Variants in WRAP73 observed in about 807,000 individuals in gnomAD.
The protein encoded by WRAP73 is WD repeat containing, antisense to TP73.
WRAP73 carries 55 observed loss-of-function variants against 59.6 expected under a neutral mutation model. The observed-to-expected ratio is 0.92, with a 90% CI of 0.74 to 1.15. The LOEUF (loss-of-function observed/expected upper bound fraction) is 1.15. WRAP73 is among the 50% of genes most tolerant of loss of function. The pLI is 0.00. For synonymous variants in WRAP73, 265 were observed against 258.2 expected, an observed-to-expected ratio of 1.03 and a Z score of -0.25; for missense variants, 592 against 608.1, an observed-to-expected ratio of 0.97 and a Z score of 0.28.
intron 1 of WRAP73, among the ~76,000 whole-genome samples, chr1:3,649,335 T>C (rs1046321619): frequency 9.2e-5 from 14 of 152,236 alleles, no homozygotes; most frequent in African/African-American, 3.4e-4. Context: ...ATTTAAATCA[T>C]TTATTCGGCA....
Position 3,646,698 on chromosome 1 carries a change from C to T in WRAP73, c.307G>A (p.Gly103Arg), listed in dbSNP as rs867157175. 20 of 1,605,674 alleles carry T rather than the reference C, an allele frequency of 1.2e-5. No homozygotes were observed. The Middle Eastern group carries it at 2.0e-3, about 159-fold the overall frequency. Residue 103 changes from glycine (G) to arginine (R), a missense_variant, in exon 3 of 12, where the codon GGG (glycine) becomes AGG (arginine). Coordinates refer to ENST00000270708, the MANE Select transcript of WRAP73 (RefSeq NM_017818.4). This position sits in a 1 kb window ranked among gnomAD's most constrained non-coding sequence, Gnocchi z 5.1. ...GLVASCWSPD[G>R]RHILNTTEFH... ...TCCGTGGTGTTGAGAATGTGGCGCC[C>T]GTCCGGGCTCCAGCACGAGGCCACC...
rs746752608 is a variant in WRAP73 at position 3,647,420 on chromosome 1, T to G, written c.210A>C (p.Arg70=). 2.4e-5 allele frequency: 38 copies of G among 1,613,422 alleles called. No individual in the cohort carries two copies. In the South Asian group the frequency reaches 3.8e-4, roughly 16 times the overall value. The stretch of plus-strand genomic sequence containing the variant: ...CGGCAGCACACACCTGCACCAGCCC[T>G]CGCTTGTACATGGCGCACAGGATGA... ...SLFILCAMYK[R]GLVQVWSLEQ... Residue 70 remains arginine (R), a synonymous_variant, in exon 2 of 12, where the codon CGA becomes CGC. Transcript: ENST00000270708.
chr1:3,636,327 C>T (rs549179749), intron 5 of WRAP73: 17 of 387,820 alleles, frequency 4.4e-5, no homozygotes, highest in Middle Eastern at 7.9e-4. Context: ...CCCCCGAGGG[C>T]GGCTTGGTCT....
chr1:3,643,093 C>T (rs895320334), intron 3 of WRAP73, among the ~76,000 whole-genome samples: 7 of 152,210 alleles, frequency 4.6e-5, no homozygotes, highest in African/African-American at 1.2e-4. Context: ...TCCGTGGTGA[C>T]GCACACGTCC....
At chr1:3,647,032 G>A (rs192831212) in intron 2 of WRAP73, among the ~76,000 whole-genome samples, 23 of 152,292 alleles carry the variant, frequency 1.5e-4, no homozygotes, top group Admixed American at 9.2e-4. Context: ...AGTAAGCCAC[G>A]CTTCTTGGTG....
intron 3 of WRAP73, among the ~76,000 whole-genome samples, chr1:3,643,021 C>T (rs1184933913): frequency 6.6e-6 from 1 of 152,228 alleles, no homozygotes; most frequent in Admixed American, 6.5e-5. Context: ...GCAAGGCTCT[C>T]CTAGAGAGGC....
intron 3 of WRAP73, among the ~76,000 whole-genome samples, chr1:3,644,489 C>T (rs1297944782): frequency 1.3e-5 from 2 of 152,242 alleles, no homozygotes; most frequent in Non-Finnish European, 2.9e-5. Flanking sequence ...GGACGGTGCC[C>T]GCAGCTCACT....
chr1:3,631,930 C>T (rs1302936381), intron 10 of WRAP73: 3 of 1,369,178 alleles, frequency 2.2e-6, no homozygotes, highest in Non-Finnish European at 2.8e-6. Context: ...AAACCCTTAA[C>T]AAAAGGCGGG....
In WRAP73 at chr1:3,632,052, G is replaced by A. The variant is rs145423180; in HGVS notation, c.1048+161C>T. On this transcript the variant is annotated intron_variant, in intron 10 of 11. Coordinates refer to ENST00000270708, the MANE Select transcript of WRAP73 (RefSeq NM_017818.4). ...GGCTGCTGCAGGACAAAGGCCCAGC[G>A]CCTCCAAGGAGCTTCTGTGAGCACC... 1.0e-3 allele frequency: 1,496 copies of A among 1,492,630 alleles called. 2 individuals are homozygous for A. Among genetic ancestry groups the A allele is most frequent in the Non-Finnish European group, 1.2e-3 (1,363 of 1,130,866 alleles). 92.5% of individuals were successfully genotyped at this position (1,492,630 alleles called of 1,614,324 possible).
chr1:3,647,673 T>C, intron 1 of WRAP73, 113 bp from the exon 2 acceptor site: 4 of 1,210,732 alleles, frequency 3.3e-6, no homozygotes, highest in Non-Finnish European at 4.6e-6. Flanking sequence ...CTGCCAGAGG[T>C]TTCATGTCTA....
intron 10 of WRAP73, chr1:3,631,889 T>TG (rs969985445): frequency 3.0e-6 from 4 of 1,329,380 alleles, no homozygotes; most frequent in Middle Eastern, 2.8e-4. Flanking sequence ...TTTGGTATTT[T>TG]TTTTTTTTTT....
chr1:3,650,005 C>A lies in WRAP73; in HGVS notation c.-6G>T. 6.3e-7 allele frequency: 1 copy of A among 1,585,436 alleles called. No individual in the cohort carries two copies. Among genetic ancestry groups the A allele is most frequent in the Non-Finnish European group, 8.6e-7 (1 of 1,168,406 alleles). ...AATACCTCGGAGAAGTTCATGGCCG[C>A]CGCCTGCCGCGGGCGCCACCCTGCG... is the stretch of plus-strand genomic sequence containing the variant. On this transcript the variant is annotated 5_prime_UTR_variant, in exon 1 of 12. Coordinates refer to ENST00000270708, the MANE Select transcript of WRAP73 (RefSeq NM_017818.4).
chr1:3,645,458 C>G lies in WRAP73; in HGVS notation c.339+1208G>C, dbSNP rs12043956. 1.6e-3 allele frequency among the ~76,000 whole-genome samples: 102 copies of G among 64,804 alleles called. 2 individuals are homozygous for G. The highest frequency in any genetic ancestry group is 0.014 in the South Asian group (24 of 1,704). 42.5% of individuals were successfully genotyped at this position (64,804 alleles called of 152,430 possible). A position where few individuals can be genotyped will look rare whatever the true frequency, so the allele number is the denominator to read the frequency against. Reference sequence around the variant, plus strand: ...GGGCGGGTTGCCCCGTGGTGTGCGCCGTGCAGCGGGACGGGCGGGTTGCCC... The same window carrying G: ...GGGCGGGTTGCCCCGTGGTGTGCGCGGTGCAGCGGGACGGGCGGGTTGCCC... On this transcript the variant is annotated intron_variant, in intron 3 of 11. Coordinates refer to ENST00000270708, the MANE Select transcript of WRAP73 (RefSeq NM_017818.4).
chr1:3,635,418 G>T, intron 6 of WRAP73, 124 bp from the exon 7 acceptor site: 1 of 1,366,202 alleles, frequency 7.3e-7, no homozygotes, highest in Non-Finnish European at 1.0e-6. Flanking sequence ...TGTCCGCGTG[G>T]CCGTGGAAAA....
chr1:3,640,736 G>C (rs542453853), intron 3 of WRAP73, among the ~76,000 whole-genome samples: 1 of 151,734 alleles, frequency 6.6e-6, no homozygotes, highest in South Asian at 2.1e-4. Flanking sequence ...AGCAGGGCGG[G>C]GTGGAGCACC....
chr1:3,631,348 G>C, intron 11 of WRAP73, 118 bp downstream of exon 11: 2 of 1,385,702 alleles, frequency 1.4e-6, no homozygotes, highest in South Asian at 1.4e-5. Context: ...AAGACTCTGA[G>C]GGCAGTTTCC....
rs754931084 is a variant in WRAP73, at chr1:3,649,950, G to C, written c.50C>G (p.Ser17Cys). 31 of 1,603,794 alleles carry C rather than the reference G, an allele frequency of 1.9e-5. No individual in the cohort carries two copies. The highest frequency in any genetic ancestry group is 2.6e-5 in the Non-Finnish European group (31 of 1,176,376). ...GCTCACCAGGTACTTGCCGTCCGGG[G>C]AGAACTTGCAGAGTAAGCTGGAGAG... The part of the protein sequence containing the change: ...FKLSSLLCKF[S>C]PDGKYLASCV... Residue 17 changes from serine (S) to cysteine (C), a missense_variant, in exon 1 of 12, where the codon TCC (serine) becomes TGC (cysteine). Ser to Cys is a moderately radical substitution (Grantham distance 112, BLOSUM62 -1). Transcript: ENST00000270708.
intron 3 of WRAP73, among the ~76,000 whole-genome samples, chr1:3,644,934 T>C (rs532743170): frequency 8.9e-4 from 136 of 152,282 alleles, no homozygotes; most frequent in Middle Eastern, 3.4e-3. Context: ...CCCAAAGCAT[T>C]ACAGGCCTGA....
At chr1:3,638,490 G>A (rs1421529668) in intron 4 of WRAP73, among the ~76,000 whole-genome samples, 1 of 152,224 alleles carries the variant, frequency 6.6e-6, no homozygotes, top group Non-Finnish European at 1.5e-5. Context: ...CAACGCCACC[G>A]TTCTTCCATG....
Sources: gnomAD v4.1 joint callset for allele counts (sites outside exome capture counted in the v4.1 genomes callset) on GRCh38, gnomAD v4.1.1 for gene constraint, Gnocchi (gnomAD v3.1) non-coding constraint, MANE v1.5 for transcripts, NCBI Gene and HGNC (gene_info 2026-07-23, HGNC 2026-07-21) for gene names.